INPP5D: variants seen among roughly 807,000 people sequenced by gnomAD.
INPP5D encodes phosphatidylinositol 3,4,5-trisphosphate 5-phosphatase 1.
In INPP5D, 33 loss-of-function variants were observed where a neutral mutation model predicts 122.9. The ratio of observed to expected loss-of-function variants is 0.27; its 90% CI spans 0.20 to 0.36. The LOEUF is 0.36. INPP5D is among the 10% of genes least tolerant of loss of function. INPP5D has a pLI of 1.00. For synonymous variants in INPP5D, 584 were observed against 576.2 expected (o/e 1.01, Z -0.19); for missense variants, 1,053 against 1,412.7 (o/e 0.75, Z 4.08).
chr2:233,120,694 C>G (rs937542144), intron 2 of INPP5D: 1 of 152,318 alleles, frequency 6.6e-6, no homozygotes, highest in Admixed American at 6.5e-5. Context: ...GAGGGCAGGG[C>G]CTGGCAAGAA....
intron 22 of INPP5D, among the ~76,000 whole-genome samples, chr2:233,193,095 G>T (rs146595393): frequency 1.8e-3 from 275 of 152,268 alleles, no homozygotes; most frequent in African/African-American, 6.4e-3. Context: ...CAACATGTTG[G>T]CCAGGCTGGT....
At chr2:233,137,343 A>G (rs904888837) in intron 5 of INPP5D, among the ~76,000 whole-genome samples, 1 of 152,194 alleles carries the variant, frequency 6.6e-6, no homozygotes, top group Non-Finnish European at 1.5e-5. Context: ...TAATTTTTAA[A>G]AATCATTTTT....
At chr2:233,089,537 G>T (rs765201053) in intron 2 of INPP5D, among the ~76,000 whole-genome samples, 2 of 152,180 alleles carry the variant, frequency 1.3e-5, no homozygotes, top group South Asian at 2.1e-4. Context: ...ACCACTGGAG[G>T]TTCCCCAGCT....
At chr2:233,116,692 G>A (rs1692808654) in intron 2 of INPP5D, among the ~76,000 whole-genome samples, 1 of 152,070 alleles carries the variant, frequency 6.6e-6, no homozygotes, top group African/African-American at 2.4e-5. Context: ...TGCTGCTTGG[G>A]TTCAAGCGAT....
intron 2 of INPP5D, among the ~76,000 whole-genome samples, chr2:233,108,723 A>C (rs1344934893): frequency 6.6e-6 from 1 of 152,148 alleles, no homozygotes; most frequent in Non-Finnish European, 1.5e-5. Context: ...GATGCCCTCA[A>C]AGAGCCCCTC....
At chr2:233,061,524 T>C (rs1691075076) in intron 1 of INPP5D, among the ~76,000 whole-genome samples, 1 of 152,094 alleles carries the variant, frequency 6.6e-6, no homozygotes, top group African/African-American at 2.4e-5. Context: ...GTAGCATCCC[T>C]GGGCTGGCAG....
intron 21 of INPP5D, among the ~76,000 whole-genome samples, chr2:233,186,434 T>A (rs1694916688): frequency 6.6e-6 from 1 of 152,120 alleles, no homozygotes; most frequent in South Asian, 2.1e-4. Flanking sequence ...TCTGTGGCCC[T>A]GCAAAGAGCA....
chr2:233,135,963 G>A (rs917369881), intron 5 of INPP5D, among the ~76,000 whole-genome samples: 1 of 152,166 alleles, frequency 6.6e-6, no homozygotes, highest in African/African-American at 2.4e-5. Context: ...ATAGAAATAA[G>A]TCACAAAACT....
chr2:233,181,911 C>A (rs1277396094), intron 18 of INPP5D, among the ~76,000 whole-genome samples: 1 of 152,180 alleles, frequency 6.6e-6, no homozygotes. Context: ...GCCTGGCCAA[C>A]ATGGCAAAAC....
At position 233,188,274 on chromosome 2, in the gene INPP5D, T is replaced by C. The variant is rs1416444340; in HGVS notation, c.2359-1576T>C. On this transcript the variant is annotated intron_variant, in intron 21 of 26. Transcript: ENST00000445964. The surrounding 1 kb of genome is among the most constrained non-coding windows in gnomAD (Gnocchi z 4.7). ...ACCCCTGTTGCCTGGCGGCCTCCTC[T>C]GTTCACCCTGTAAATCCCTGCTGTG... Among the ~76,000 whole-genome samples the C allele has an allele frequency of 4.6e-5, 7 of 152,030 alleles. No homozygotes were observed. The South Asian group carries it at 6.2e-4, about 14-fold the overall frequency.
rs1278482846 is a variant in INPP5D at position 233,147,436 on chromosome 2, A to T, written c.907-35A>T. The T allele has an allele frequency of 8.6e-6, 6 of 701,380 alleles. No homozygotes were observed. The African/African-American group carries it at 1.0e-4, about 12-fold the overall frequency. The allele number at this position is 701,380 out of a possible 1,614,324, so 43.4% of individuals were successfully genotyped here. On this transcript the variant is annotated intron_variant, in intron 8 of 26. Coordinates refer to ENST00000445964, the MANE Select transcript of INPP5D (RefSeq NM_001017915.3). The stretch of plus-strand genomic sequence containing the variant: ...GGAAGCCTTGCAAAAGCCCAGGCAG[A>T]AAATCAATCAGTGACACATCTCTTC...
chr2:233,201,247 G>A (rs1434809844), intron 25 of INPP5D, among the ~76,000 whole-genome samples: 1 of 152,182 alleles, frequency 6.6e-6, no homozygotes, highest in African/African-American at 2.4e-5. Context: ...CACCTCTTTG[G>A]AGACCCCAGG....
intron 23 of INPP5D, among the ~76,000 whole-genome samples, chr2:233,194,185 G>A (rs951440221): frequency 6.6e-6 from 1 of 152,116 alleles, no homozygotes; most frequent in African/African-American, 2.4e-5. Flanking sequence ...CCCCGACCCT[G>A]TGGATTTTTT....
At chr2:233,110,261 A>C (rs1034113631) in intron 2 of INPP5D, among the ~76,000 whole-genome samples, 1 of 151,590 alleles carries the variant, frequency 6.6e-6, no homozygotes, top group Admixed American at 6.6e-5. Flanking sequence ...CAGCATGTTG[A>C]CCAGGCTGGT....
chr2:233,106,382 C>A (rs1411962910), intron 2 of INPP5D, among the ~76,000 whole-genome samples: 1 of 152,220 alleles, frequency 6.6e-6, no homozygotes, highest in Non-Finnish European at 1.5e-5. Context: ...TTTCTTATGG[C>A]AGATTGCAGG....
intron 25 of INPP5D, among the ~76,000 whole-genome samples, chr2:233,202,006 CCTCT>C (rs1322490326): frequency 6.6e-6 from 1 of 152,050 alleles, no homozygotes; most frequent in East Asian, 1.9e-4. Flanking sequence ...CCAAGCTTCC[CCTCT>C]CTAAGTGCAA....
At position 233,147,544 on chromosome 2, in the gene INPP5D, T is replaced by A; in HGVS notation, c.980T>A (p.Ile327Asn). The A allele has an allele frequency of 1.4e-6, 1 of 704,264 alleles. No homozygotes were observed. The highest frequency in any genetic ancestry group is 1.5e-5 in the South Asian group (1 of 67,600). 43.6% of individuals were successfully genotyped at this position (704,264 alleles called of 1,614,324 possible). A position where few individuals can be genotyped will look rare whatever the true frequency, so the allele number is the denominator to read the frequency against. Reference protein sequence around the residue: ...KVDVESGKLIIKKSKDGSEDK... With the variant: ...KVDVESGKLINKKSKDGSEDK... ...GACGTTGAGTCTGGGAAACTGATCA[T>A]TAAGAAGTCCAAGGATGGTTCTGAG... is the stretch of plus-strand genomic sequence containing the variant. The change falls in exon 9 of 27, where the codon ATT (isoleucine) becomes AAT (asparagine). Residue 327 changes from isoleucine (I) to asparagine (N), a missense_variant. Physicochemically the swap from Ile to Asn is moderately radical, Grantham distance 149. Transcript: ENST00000445964.
At chr2:233,109,585 TTTG>T (rs371449519) in intron 2 of INPP5D, among the ~76,000 whole-genome samples, 34 of 152,312 alleles carry the variant, frequency 2.2e-4, no homozygotes, top group African/African-American at 7.7e-4. Flanking sequence ...TTTTTATTTT[TTTG>T]TTGTTGTTGA....
chr2:233,060,681 G>A, intron 1 of INPP5D, 69 bp downstream of exon 1: 6 of 1,588,726 alleles, frequency 3.8e-6, no homozygotes, highest in South Asian at 1.1e-5. Flanking sequence ...CCAGCTTTGA[G>A]ATGGGTTGTT....
Sources: gnomAD v4.1 joint callset for allele counts (sites outside exome capture counted in the v4.1 genomes callset) on GRCh38, gnomAD v4.1.1 for gene constraint, Gnocchi (gnomAD v3.1) non-coding constraint, MANE v1.5 for transcripts, NCBI Gene and HGNC (gene_info 2026-07-23, HGNC 2026-07-21) for gene names.